The following CHURC1 variants were observed in gnomAD, a reference collection of about 807,000 sequenced individuals.
The protein encoded by CHURC1 is protein Churchill.
CHURC1 carries 12 observed loss-of-function variants against 15.4 expected under a neutral mutation model. That is an observed-to-expected ratio of 0.78 (90% confidence interval 0.50 to 1.27). The LOEUF is 1.27. CHURC1 is among the 50% of genes most tolerant of loss of function. CHURC1 has a pLI of 0.00. For missense variants in CHURC1, 132 were observed against 137.8 expected (o/e 0.96, Z 0.21); for synonymous variants, 42 against 47.5 (o/e 0.88, Z 0.48).
rs1382941266 is a variant in CHURC1 at position 64,935,077 on chromosome 14, C to T, written c.*2847C>T. Reference sequence around the variant, plus strand: ...GAAATCTTCATTCTCAGTAAACTATCGCAAGGACAAAAAACCAAACACCAC... The same window carrying T: ...GAAATCTTCATTCTCAGTAAACTATTGCAAGGACAAAAAACCAAACACCAC... On this transcript the variant is annotated 3_prime_UTR_variant, in exon 4 of 4. Transcript: ENST00000549115. The T allele has an allele frequency of 3.2e-5, 27 of 841,048 alleles. No individual in the cohort carries two copies. The Middle Eastern group carries it at 1.8e-3, about 57-fold the overall frequency. The allele number at this position is 841,048 out of a possible 1,614,324, so 52.1% of individuals were successfully genotyped here. A position where few individuals can be genotyped will look rare whatever the true frequency, so the allele number is the denominator to read the frequency against.
Position 64,933,798 on chromosome 14 carries a change from C to A in CHURC1, c.*1568C>A, listed in dbSNP as rs1176421454. 1 of 985,168 alleles carries A rather than the reference C, an allele frequency of 1.0e-6. No individual in the cohort carries two copies. Among genetic ancestry groups the A allele is most frequent in the African/African-American group, 1.7e-5 (1 of 57,170 alleles). The allele number at this position is 985,168 out of a possible 1,614,324, so 61.0% of individuals were successfully genotyped here. A position where few individuals can be genotyped will look rare whatever the true frequency, so the allele number is the denominator to read the frequency against. On this transcript the variant is annotated 3_prime_UTR_variant, in exon 4 of 4. Transcript: ENST00000549115. ...ATGAGCAAAGTGTTCATTGTAGATACTAGGGAAAAGCTTTGTTGAATAACA... is the reference window on the plus strand; with the variant it reads ...ATGAGCAAAGTGTTCATTGTAGATAATAGGGAAAAGCTTTGTTGAATAACA...
chr14:64,923,823 T>C (rs2139896046), intron 1 of CHURC1, among the ~76,000 whole-genome samples, 168 bp from the exon 2 acceptor site: 1 of 149,924 alleles, frequency 6.7e-6, no homozygotes, highest in East Asian at 2.0e-4. Context: ...TGAGTAACAC[T>C]TCTTTAGGAA....
At position 64,933,430 on chromosome 14, in the gene CHURC1, A is replaced by G; in HGVS notation, c.*1200A>G. On this transcript the variant is annotated 3_prime_UTR_variant, in exon 4 of 4. Transcript: ENST00000549115. Reference sequence around the variant, plus strand: ...TCTTACTTTGCATAGTTTCATGAGCACTGGCCAGGAGGTTATAAACTGGCA... The same window carrying G: ...TCTTACTTTGCATAGTTTCATGAGCGCTGGCCAGGAGGTTATAAACTGGCA... The G allele has an allele frequency of 1.0e-6, 1 of 985,490 alleles. No individual in the cohort carries two copies. Among genetic ancestry groups the G allele is most frequent in the Non-Finnish European group, 1.2e-6 (1 of 829,952 alleles). The allele number at this position is 985,490 out of a possible 1,614,324, so 61.0% of individuals were successfully genotyped here. A position where few individuals can be genotyped will look rare whatever the true frequency, so the allele number is the denominator to read the frequency against.
At chr14:64,922,009 G>A (rs1884339922) in intron 1 of CHURC1, among the ~76,000 whole-genome samples, 1 of 152,212 alleles carries the variant, frequency 6.6e-6, no homozygotes, top group Non-Finnish European at 1.5e-5. Flanking sequence ...AGGAAAATTG[G>A]ATGCGGGAGT....
Position 64,933,413 on chromosome 14 carries a change from T to G in CHURC1, c.*1183T>G, listed in dbSNP as rs2139925109. 1 of 985,498 alleles carries G rather than the reference T, an allele frequency of 1.0e-6. No individual in the cohort carries two copies. Among genetic ancestry groups the G allele is most frequent in the East Asian group, 1.1e-4 (1 of 8,822 alleles). The allele number at this position is 985,498 out of a possible 1,614,324, so 61.0% of individuals were successfully genotyped here. A position where few individuals can be genotyped will look rare whatever the true frequency, so the allele number is the denominator to read the frequency against. ...AAAGGGATTTTAGAATATCTTACTT[T>G]GCATAGTTTCATGAGCACTGGCCAG... On this transcript the variant is annotated 3_prime_UTR_variant, in exon 4 of 4. Transcript: ENST00000549115.
rs148832233 is a variant in CHURC1 at position 64,932,438 on chromosome 14, G to C, written c.*208G>C. 121 of 1,286,784 alleles carry C rather than the reference G, an allele frequency of 9.4e-5. No homozygotes were observed. In the African/African-American group the frequency reaches 1.7e-3, roughly 18 times the overall value. The allele number at this position is 1,286,784 out of a possible 1,614,324, so 79.7% of individuals were successfully genotyped here. On this transcript the variant is annotated 3_prime_UTR_variant, in exon 4 of 4. Coordinates refer to ENST00000549115, the MANE Select transcript of CHURC1 (RefSeq NM_001386928.1). The stretch of plus-strand genomic sequence containing the variant: ...CTGCTAAAGTTCAAAGTTCACATCA[G>C]TGTAGCCAGAGTGAAGCATCTTTGT...
chr14:64,925,949 A>G, intron 2 of CHURC1, 61 bp from the exon 3 acceptor site: 1 of 1,248,978 alleles, frequency 8.0e-7, no homozygotes, highest in Non-Finnish European at 1.1e-6. Flanking sequence ...TAGAAATTTT[A>G]ATAGAAGTTT....
intron 1 of CHURC1, 73 bp downstream of exon 1, chr14:64,914,607 G>T: frequency 6.2e-7 from 1 of 1,603,970 alleles, no homozygotes; most frequent in Non-Finnish European, 8.5e-7. Context: ...GGCCTTCCCA[G>T]AGAGGCCGTA....
rs572154745 is a variant in CHURC1 at position 64,925,927 on chromosome 14, A to C, written c.176-83A>C. The C allele has an allele frequency of 1.4e-5, 14 of 986,878 alleles. No individual in the cohort carries two copies. In the African/African-American group the frequency reaches 2.3e-4, roughly 16 times the overall value. The allele number at this position is 986,878 out of a possible 1,614,324, so 61.1% of individuals were successfully genotyped here. The stretch of plus-strand genomic sequence containing the variant: ...ACAGACTTAAGATTCTCTTTAAATA[A>C]TATGCTGAGAATAGAAATTTTAATA... On this transcript the variant is annotated intron_variant, in intron 2 of 3. Transcript: ENST00000549115.
In CHURC1 at chr14:64,934,970, C is replaced by G. The variant is rs955238614; in HGVS notation, c.*2740C>G. 1.1e-5 allele frequency: 11 copies of G among 984,128 alleles called. No individual in the cohort carries two copies. In the Admixed American group the frequency reaches 2.5e-4, roughly 22 times the overall value. The allele number at this position is 984,128 out of a possible 1,614,324, so 61.0% of individuals were successfully genotyped here. A position where few individuals can be genotyped will look rare whatever the true frequency, so the allele number is the denominator to read the frequency against. ...TCATTTTCTAGATTCTTATGTGGAT[C>G]TAATAACGACCACTTGAACCCAGTT... On this transcript the variant is annotated 3_prime_UTR_variant, in exon 4 of 4. Coordinates refer to ENST00000549115, the MANE Select transcript of CHURC1 (RefSeq NM_001386928.1).
In CHURC1 at chr14:64,932,515, A is replaced by G. The variant is rs57001061; in HGVS notation, c.*285A>G. 5.0e-4 allele frequency: 546 copies of G among 1,089,454 alleles called. 7 individuals carry two copies. In the South Asian group the frequency reaches 0.014, roughly 29 times the overall value. 67.5% of individuals were successfully genotyped at this position (1,089,454 alleles called of 1,614,324 possible). ...TAGAATGGGAGCACACCTGGTGCCCAGATTTTGGTTTCCAATAAAAGGAAC... is the reference window on the plus strand; with the variant it reads ...TAGAATGGGAGCACACCTGGTGCCCGGATTTTGGTTTCCAATAAAAGGAAC... On this transcript the variant is annotated 3_prime_UTR_variant, in exon 4 of 4. Coordinates refer to ENST00000549115, the MANE Select transcript of CHURC1 (RefSeq NM_001386928.1).
At chr14:64,915,641 TTTTGAGTAGCATGTATAAC>T (rs1372575234) in intron 1 of CHURC1, among the ~76,000 whole-genome samples, 3 of 152,218 alleles carry the variant, frequency 2.0e-5, no homozygotes, top group African/African-American at 4.8e-5. Flanking sequence ...ATACTTAGGC[TTTTGAGTAGCATGTATAAC>T]AGTATGAATT....
In CHURC1 at chr14:64,932,263, G is replaced by A. The variant is rs771222663; in HGVS notation, c.*33G>A. On this transcript the variant is annotated 3_prime_UTR_variant, in exon 4 of 4. Coordinates refer to ENST00000549115, the MANE Select transcript of CHURC1 (RefSeq NM_001386928.1). Reference sequence around the variant, plus strand: ...TCTACAGATCTGTTATAACTATATTGTGTTGGTTTACAATACAGCAAGCCT... The same window carrying A: ...TCTACAGATCTGTTATAACTATATTATGTTGGTTTACAATACAGCAAGCCT... The A allele has an allele frequency of 2.5e-6, 4 of 1,605,706 alleles. No homozygotes were observed.
intron 1 of CHURC1, among the ~76,000 whole-genome samples, chr14:64,915,638 G>C (rs1176269204): frequency 6.6e-6 from 1 of 152,070 alleles, no homozygotes; most frequent in Non-Finnish European, 1.5e-5. Flanking sequence ...GTAATACTTA[G>C]GCTTTTGAGT....
chr14:64,933,190 AT>A lies in CHURC1; in HGVS notation c.*961del, dbSNP rs1885170392. ...AGTACTTCTCAAAACTATCAAGGCC[AT>A]AAAAAACAAGGAAAATCTGAGACAT... On this transcript the variant is annotated 3_prime_UTR_variant, in exon 4 of 4. Coordinates refer to ENST00000549115, the MANE Select transcript of CHURC1 (RefSeq NM_001386928.1). 1.1e-5 allele frequency: 2 copies of A among 176,568 alleles called. No homozygotes were observed. Among genetic ancestry groups the A allele is most frequent in the African/African-American group, 4.8e-5 (2 of 41,994 alleles). 10.9% of individuals were successfully genotyped at this position (176,568 alleles called of 1,614,324 possible). A position where few individuals can be genotyped will look rare whatever the true frequency, so the allele number is the denominator to read the frequency against.
At chr14:64,920,987 T>G (rs1336560308) in intron 1 of CHURC1, among the ~76,000 whole-genome samples, 1 of 152,034 alleles carries the variant, frequency 6.6e-6, no homozygotes, top group Non-Finnish European at 1.5e-5. Flanking sequence ...ATCAAGAGAG[T>G]TTGATATTAG....
intron 1 of CHURC1, among the ~76,000 whole-genome samples, chr14:64,916,636 G>A (rs1370863311): frequency 6.6e-6 from 1 of 152,092 alleles, no homozygotes; most frequent in Non-Finnish European, 1.5e-5. Flanking sequence ...GGAGTGCAGT[G>A]GCATGATCTC....
intron 1 of CHURC1, among the ~76,000 whole-genome samples, chr14:64,917,993 TA>T (rs949791315): frequency 2.6e-5 from 4 of 152,220 alleles, no homozygotes; most frequent in African/African-American, 9.6e-5. Context: ...ACTATGTAGA[TA>T]GATGAGTCAG....
intron 3 of CHURC1, among the ~76,000 whole-genome samples, chr14:64,926,756 AAC>A (rs1417741453): frequency 6.6e-6 from 1 of 152,226 alleles, no homozygotes; most frequent in African/African-American, 2.4e-5. Context: ...TTGGAGGAGA[AAC>A]ACAGAACCAC....
Sources: gnomAD v4.1 joint callset for allele counts (sites outside exome capture counted in the v4.1 genomes callset) on GRCh38, gnomAD v4.1.1 for gene constraint, MANE v1.5 for transcripts, NCBI Gene and HGNC (gene_info 2026-07-23, HGNC 2026-07-21) for gene names.